Variants in KCNAB1 observed in about 807,000 individuals in gnomAD.
KCNAB1 encodes voltage-gated potassium channel subunit beta-1.
Under a neutral mutation model 64.6 loss-of-function variants are expected in KCNAB1, and 35 were observed. The observed-to-expected ratio is 0.54, with a 90% CI of 0.41 to 0.72. The LOEUF (loss-of-function observed/expected upper bound fraction) is 0.72. KCNAB1 is among the 30% of genes least tolerant of loss of function. The pLI, the probability that KCNAB1 is intolerant of heterozygous loss-of-function variation, is 0.00. For synonymous variants in KCNAB1, 177 were observed against 183.8 expected (o/e 0.96, Z 0.30); for missense variants, 401 against 512.9 (o/e 0.78, Z 2.11).
upstream of KCNAB1, among the ~76,000 whole-genome samples, chr3:156,119,493 G>A (rs1389267757): frequency 6.6e-6 from 1 of 152,150 alleles, no homozygotes; most frequent in African/African-American, 2.4e-5. Flanking sequence ...TCTTCTCAGG[G>A]ACTCTAAGGA....
At chr3:156,125,086 C>T (rs552328257) in intron 1 of KCNAB1, among the ~76,000 whole-genome samples, 3 of 151,358 alleles carry the variant, frequency 2.0e-5, no homozygotes, top group African/African-American at 4.9e-5. Flanking sequence ...TGCAGTGAGC[C>T]GAGATTACTC....
rs183115765 is a variant in KCNAB1, at chr3:156,206,017, T to G, written c.275+85131T>G. 2.8e-3 allele frequency among the ~76,000 whole-genome samples: 421 copies of G among 152,342 alleles called. 3 individuals are homozygous for G. Among genetic ancestry groups the G allele is most frequent in the African/African-American group, 9.4e-3 (389 of 41,572 alleles). ...CACCTTTGCCCCTTTACTACATTACTGTGCACTGTCCTATCATATTCTACC... is the reference window on the plus strand; with the variant it reads ...CACCTTTGCCCCTTTACTACATTACGGTGCACTGTCCTATCATATTCTACC... On this transcript the variant is annotated intron_variant, in intron 1 of 13. Transcript: ENST00000490337.
chr3:156,287,345 G>A (rs1321258063), intron 1 of KCNAB1, among the ~76,000 whole-genome samples: 2 of 121,654 alleles, frequency 1.6e-5, no homozygotes, highest in Non-Finnish European at 3.2e-5. Flanking sequence ...TGCAACCTCC[G>A]TATCAAAAAA....
At chr3:156,334,972 T>C (rs865945143) in intron 1 of KCNAB1, among the ~76,000 whole-genome samples, 35 of 152,350 alleles carry the variant, frequency 2.3e-4, no homozygotes, top group Middle Eastern at 6.8e-3. Flanking sequence ...GACTCCAGCC[T>C]TGCCCTTCTT....
chr3:156,153,981 C>T (rs896436884), intron 1 of KCNAB1, among the ~76,000 whole-genome samples: 5 of 152,218 alleles, frequency 3.3e-5, no homozygotes, highest in Admixed American at 6.5e-5. Context: ...ATTTATCCAT[C>T]TCCTGTTAGT....
intron 1 of KCNAB1, among the ~76,000 whole-genome samples, chr3:156,242,796 T>C (rs1717233995): frequency 6.6e-6 from 1 of 151,542 alleles, no homozygotes; most frequent in Non-Finnish European, 1.5e-5. Flanking sequence ...CAAGTTTTTT[T>C]TTTTTTTCTG....
intron 1 of KCNAB1, among the ~76,000 whole-genome samples, chr3:156,333,063 G>T (rs1031589629): frequency 6.6e-6 from 1 of 152,094 alleles, no homozygotes; most frequent in Non-Finnish European, 1.5e-5. Context: ...ATGTGTCTGG[G>T]TAGTACTCCT....
In KCNAB1 at chr3:156,257,908, A is replaced by C. The variant is rs144367517; in HGVS notation, c.275+137022A>C. Among the ~76,000 whole-genome samples, 263 of 152,356 alleles carry C rather than the reference A, an allele frequency of 1.7e-3. 1 individual carries two copies. Among genetic ancestry groups the C allele is most frequent in the African/African-American group, 6.2e-3 (257 of 41,590 alleles). On this transcript the variant is annotated intron_variant, in intron 1 of 13. Transcript: ENST00000490337. Reference sequence around the variant, plus strand: ...CAAGTAGCTGAATCACTGTGACAGAATAACAACAGAATAGGAAAGAGAAGA... The same window carrying C: ...CAAGTAGCTGAATCACTGTGACAGACTAACAACAGAATAGGAAAGAGAAGA...
intron 6 of KCNAB1, among the ~76,000 whole-genome samples, chr3:156,464,493 AT>A (rs1488500613): frequency 3.3e-5 from 5 of 151,682 alleles, no homozygotes; most frequent in African/African-American, 7.2e-5. Context: ...AAAAATAATA[AT>A]AATAATAATA....
At chr3:156,518,555 T>C (rs1275586669) in intron 11 of KCNAB1, among the ~76,000 whole-genome samples, 2 of 152,078 alleles carry the variant, frequency 1.3e-5, no homozygotes, top group African/African-American at 4.8e-5. Context: ...ATTGGTAACG[T>C]TCATCCCACC....
chr3:156,436,276 A>G (rs1400928791), intron 2 of KCNAB1, among the ~76,000 whole-genome samples: 2 of 152,162 alleles, frequency 1.3e-5, no homozygotes, highest in Non-Finnish European at 2.9e-5. Flanking sequence ...ATAGTATTCC[A>G]TGGTATATAT....
At chr3:156,480,227 A>C (rs1400286210) in intron 8 of KCNAB1, among the ~76,000 whole-genome samples, 1 of 152,190 alleles carries the variant, frequency 6.6e-6, no homozygotes, top group Non-Finnish European at 1.5e-5. Flanking sequence ...AAAAAACATG[A>C]TATAGAAGGA....
intron 12 of KCNAB1, among the ~76,000 whole-genome samples, chr3:156,524,746 C>CAA (rs10553136): frequency 1.6e-4 from 12 of 74,454 alleles, no homozygotes; most frequent in Admixed American, 2.1e-4. Context: ...GACTCCATCT[C>CAA]AAAAAAAAAA....
chr3:156,380,556 T>A (rs574695501), intron 1 of KCNAB1, among the ~76,000 whole-genome samples: 1 of 152,302 alleles, frequency 6.6e-6, no homozygotes, highest in East Asian at 1.9e-4. Flanking sequence ...TCAGGTAGAT[T>A]TCCAGGTAGA....
intron 1 of KCNAB1, among the ~76,000 whole-genome samples, chr3:156,292,808 G>A (rs754410658): frequency 7.9e-5 from 12 of 152,192 alleles, no homozygotes; most frequent in Non-Finnish European, 1.6e-4. Flanking sequence ...CTCCCAAAGT[G>A]CTGGGATTAC....
chr3:156,340,995 C>A (rs957172676), intron 1 of KCNAB1, among the ~76,000 whole-genome samples: 10 of 152,138 alleles, frequency 6.6e-5, no homozygotes, highest in African/African-American at 2.4e-4. Flanking sequence ...TATCGAATGA[C>A]TATCAAAGAA....
At chr3:156,390,878 C>T (rs1167171207) in intron 1 of KCNAB1, among the ~76,000 whole-genome samples, 1 of 152,168 alleles carries the variant, frequency 6.6e-6, no homozygotes, top group Non-Finnish European at 1.5e-5. Flanking sequence ...AGCCACAGCG[C>T]CCGGCCTTTG....
chr3:156,176,869 C>T, intron 1 of KCNAB1: 1 of 1,161,366 alleles, frequency 8.6e-7, no homozygotes, highest in Non-Finnish European at 1.3e-6. Flanking sequence ...TTGACTGGGA[C>T]CAGCGGTAAC....
chr3:156,330,655 A>G lies in KCNAB1; in HGVS notation c.276-90961A>G, dbSNP rs145954625. ...TCCCATTACATCACCTATCCCAAGC[A>G]GTGACCATTCTTTCATCATTTCCCT... On this transcript the variant is annotated intron_variant, in intron 1 of 13. Transcript: ENST00000490337. Among the ~76,000 whole-genome samples, 784 of 152,266 alleles carry G rather than the reference A, an allele frequency of 5.1e-3. 5 individuals are homozygous for G. Among genetic ancestry groups the G allele is most frequent in the Middle Eastern group, 0.01 (3 of 294 alleles).
Sources: allele counts gnomAD v4.1 joint callset (sites outside exome capture counted in the v4.1 genomes callset), GRCh38; gene constraint gnomAD v4.1.1; transcripts MANE v1.5; gene names NCBI Gene and HGNC (gene_info 2026-07-23, HGNC 2026-07-21).